NME5: variants seen among roughly 807,000 people sequenced by gnomAD.
NME5 encodes the protein nucleoside diphosphate kinase 5.
NME5 carries 18 observed loss-of-function variants against 21.6 expected under a neutral mutation model. The ratio of observed to expected loss-of-function variants is 0.83; its 90% CI spans 0.58 to 1.24. The LOEUF (loss-of-function observed/expected upper bound fraction) is 1.24, where lower values mean the gene tolerates loss of function less well. NME5 is among the 50% of genes most tolerant of loss of function. The probability of loss-of-function intolerance (pLI) is 0.00; values close to 1 mark genes in which losing one functional copy is unlikely to be tolerated. For missense variants in NME5, 223 were observed against 255.4 expected (o/e 0.87, Z 0.86); for synonymous variants, 70 against 80.6 (o/e 0.87, Z 0.71).
intron 2 of NME5, among the ~76,000 whole-genome samples, chr5:138,129,767 A>C (rs933607555): frequency 6.6e-6 from 1 of 152,056 alleles, no homozygotes; most frequent in Non-Finnish European, 1.5e-5. Context: ...AGACCAGCCT[A>C]GGCAACACAG....
At position 138,128,620 on chromosome 5, in the gene NME5, CT is replaced by C. The variant is rs1279062812; in HGVS notation, c.336-42del. The C allele has an allele frequency of 2.2e-6, 3 of 1,378,150 alleles. No individual in the cohort carries two copies. The African/African-American group carries it at 4.3e-5, about 20-fold the overall frequency. The allele number at this position is 1,378,150 out of a possible 1,614,324, so 85.4% of individuals were successfully genotyped here. A position where few individuals can be genotyped will look rare whatever the true frequency, so the allele number is the denominator to read the frequency against. On this transcript the variant is annotated intron_variant, in intron 3 of 5. Coordinates refer to ENST00000265191, the MANE Select transcript of NME5 (RefSeq NM_003551.3). ...AGATGACGTCCATCCAATCTAACGT[CT>C]ATTCCTTACTTTATATGCATGCATT...
chr5:138,127,230 G>C (rs900231087), intron 4 of NME5, among the ~76,000 whole-genome samples: 5 of 152,294 alleles, frequency 3.3e-5, no homozygotes, highest in African/African-American at 1.2e-4. Flanking sequence ...GGCCAGTGGA[G>C]AAAAGTTGTC....
At chr5:138,126,839 T>TA (rs1751439052) in intron 4 of NME5, among the ~76,000 whole-genome samples, 1 of 151,518 alleles carries the variant, frequency 6.6e-6, no homozygotes, top group South Asian at 2.1e-4. Flanking sequence ...TTCCAGCTAC[T>TA]CAAAGGCTGA....
chr5:138,123,549 C>A (rs529941685), intron 4 of NME5, among the ~76,000 whole-genome samples: 1 of 152,182 alleles, frequency 6.6e-6, no homozygotes, highest in Admixed American at 6.6e-5. Flanking sequence ...AGAATCTCTT[C>A]CTTTTTAAGG....
intron 2 of NME5, among the ~76,000 whole-genome samples, chr5:138,135,124 C>T (rs1354440567): frequency 1.3e-5 from 2 of 148,650 alleles, no homozygotes; most frequent in Non-Finnish European, 3.0e-5. Context: ...CGAGACCATC[C>T]GGGCTAACAC....
rs1300300562 is a variant in NME5 at position 138,139,408 on chromosome 5, G to C, written c.-43C>G. ...CCTCATATGGTACAACTTGTTGCTA[G>C]GAGACCTGAAGCCCCAGCGTGGGGA... On this transcript the variant is annotated 5_prime_UTR_variant, in exon 1 of 6. Transcript: ENST00000265191. The C allele has an allele frequency of 6.1e-6, 6 of 985,510 alleles. No individual in the cohort carries two copies. Among genetic ancestry groups the C allele is most frequent in the Non-Finnish European group, 1.2e-6 (1 of 830,134 alleles). The allele number at this position is 985,510 out of a possible 1,614,324, so 61.0% of individuals were successfully genotyped here. A position where few individuals can be genotyped will look rare whatever the true frequency, so the allele number is the denominator to read the frequency against.
chr5:138,124,156 C>G (rs993878498), intron 4 of NME5, among the ~76,000 whole-genome samples: 1 of 151,690 alleles, frequency 6.6e-6, no homozygotes, highest in Non-Finnish European at 1.5e-5. Flanking sequence ...GCCACCACAC[C>G]TGGCTAATTT....
intron 4 of NME5, among the ~76,000 whole-genome samples, chr5:138,123,521 C>T (rs1183640423): frequency 6.6e-6 from 1 of 152,090 alleles, no homozygotes; most frequent in African/African-American, 2.4e-5. Context: ...CAGGTTCATC[C>T]ATGTTGTCAA....
In NME5 at chr5:138,138,773, A is replaced by G. The variant is rs746709148; in HGVS notation, c.8T>C (p.Ile3Thr). ME[I>T]SMPPPQIYVE... is the part of the protein sequence containing the mutation. ...ATATATCTGAGGTGGAGGCATTGAT[A>G]TCTCCATTATGGCTTTTCAGGGCAC... Residue 3 changes from isoleucine (I) to threonine (T), a missense_variant, in exon 2 of 6, where the codon ATA (isoleucine) becomes ACA (threonine). Coordinates refer to ENST00000265191, the MANE Select transcript of NME5 (RefSeq NM_003551.3). 16 of 1,608,444 alleles carry G rather than the reference A, an allele frequency of 9.9e-6. No individual in the cohort carries two copies. The highest frequency in any genetic ancestry group is 1.6e-4 in the Middle Eastern group (1 of 6,066).
intron 2 of NME5, among the ~76,000 whole-genome samples, chr5:138,137,823 A>AC (rs1751735283): frequency 6.6e-6 from 1 of 151,196 alleles, no homozygotes; most frequent in African/African-American, 2.4e-5. Flanking sequence ...ACATGGTAAA[A>AC]CCCCGTCTCT....
chr5:138,135,403 T>C (rs1389150953), intron 2 of NME5, among the ~76,000 whole-genome samples: 1 of 151,256 alleles, frequency 6.6e-6, no homozygotes, highest in Non-Finnish European at 1.5e-5. Flanking sequence ...GGCACGATCT[T>C]GACTCACTGC....
intron 4 of NME5, chr5:138,123,194 ACAAAT>A (rs1751326053): frequency 6.6e-6 from 1 of 152,202 alleles, no homozygotes; most frequent in Non-Finnish European, 1.5e-5. Flanking sequence ...CTATGGAAAG[ACAAAT>A]CAAGCTAATT....
chr5:138,122,441 T>TAAAAAAAAAAAAA lies in NME5; in HGVS notation c.437-3518_437-3506dup, dbSNP rs70979581. 2.1e-3 allele frequency among the ~76,000 whole-genome samples: 72 copies of TAAAAAAAAAAAAA among 34,460 alleles called. 2 individuals carry two copies. Among genetic ancestry groups the TAAAAAAAAAAAAA allele is most frequent in the African/African-American group, 5.8e-3 (54 of 9,274 alleles). The allele number at this position is 34,460 out of a possible 152,430, so 22.6% of individuals were successfully genotyped here. A position where few individuals can be genotyped will look rare whatever the true frequency, so the allele number is the denominator to read the frequency against. Reference sequence around the variant, plus strand: ...GGTGACAAGAGCGAAACTCTGTCTCTAAAAAAAAAAAAAAAAAAAAAAAAA... The same window carrying TAAAAAAAAAAAAA: ...GGTGACAAGAGCGAAACTCTGTCTCTAAAAAAAAAAAAAAAAAAAAAAAAAAAAAAAAAAAAAA... On this transcript the variant is annotated intron_variant, in intron 4 of 5. Transcript: ENST00000265191.
chr5:138,117,204 CAAAAAAAAAA>C (rs34623624), intron 5 of NME5, among the ~76,000 whole-genome samples: 2 of 63,550 alleles, frequency 3.1e-5, no homozygotes, highest in South Asian at 6.1e-4. Context: ...GACCCTGTCT[CAAAAAAAAAA>C]AAAAAAAAAA....
In NME5 at chr5:138,129,135, C is replaced by T. The variant is rs533692274; in HGVS notation, c.335+128G>A. 224 of 723,212 alleles carry T rather than the reference C, an allele frequency of 3.1e-4. 2 individuals carry two copies. In the African/African-American group the frequency reaches 3.4e-3, roughly 11 times the overall value. The allele number at this position is 723,212 out of a possible 1,614,324, so 44.8% of individuals were successfully genotyped here. A position where few individuals can be genotyped will look rare whatever the true frequency, so the allele number is the denominator to read the frequency against. On this transcript the variant is annotated intron_variant, in intron 3 of 5. Coordinates refer to ENST00000265191, the MANE Select transcript of NME5 (RefSeq NM_003551.3). Reference sequence around the variant, plus strand: ...CCCAGGCCCTGCCACCCTCTGCCCCCCAAAAAAGTTGATTTTGGAAAACTT... The same window carrying T: ...CCCAGGCCCTGCCACCCTCTGCCCCTCAAAAAAGTTGATTTTGGAAAACTT...
rs541889019 is a variant in NME5, at chr5:138,117,050, A to C, written c.556-1286T>G. 4.8e-4 allele frequency among the ~76,000 whole-genome samples: 73 copies of C among 152,126 alleles called. 1 individual carries two copies. The highest frequency in any genetic ancestry group is 1.7e-3 in the African/African-American group (70 of 41,504). On this transcript the variant is annotated intron_variant, in intron 5 of 5. Transcript: ENST00000265191. ...TAGGGAGACCCCATCTCTACAAAAA[A>C]TTTTAAAAATTAGCTGGGTGTGGTA...
intron 2 of NME5, among the ~76,000 whole-genome samples, chr5:138,133,415 A>G (rs965477332): frequency 6.6e-6 from 1 of 152,094 alleles, no homozygotes. Flanking sequence ...TTAAGGGTTC[A>G]TCTTTAAATA....
At chr5:138,128,384 A>T in intron 4 of NME5, 95 bp downstream of exon 4, 2 of 953,238 alleles carry the variant, frequency 2.1e-6, no homozygotes, top group East Asian at 5.3e-5. Context: ...TGGAAAAAAA[A>T]TTATTTTATC....
intron 2 of NME5, among the ~76,000 whole-genome samples, chr5:138,131,885 A>T (rs538512884): frequency 2.4e-4 from 37 of 152,182 alleles, no homozygotes; most frequent in Admixed American, 1.0e-3. Flanking sequence ...CTGGGATTAT[A>T]GGTGCCTGCC....
Sources: allele counts gnomAD v4.1 joint callset (sites outside exome capture counted in the v4.1 genomes callset), GRCh38; gene constraint gnomAD v4.1.1; transcripts MANE v1.5; gene names NCBI Gene and HGNC (gene_info 2026-07-23, HGNC 2026-07-21).